LRP1B: variants seen among roughly 807,000 people sequenced by gnomAD.
LRP1B encodes low-density lipoprotein receptor-related protein 1B.
A neutral mutation model predicts 556.6 loss-of-function variants in LRP1B; 217 were observed. That is an observed-to-expected ratio of 0.39 (90% CI 0.35 to 0.44). The LOEUF is 0.44. LRP1B is among the 20% of genes least tolerant of loss of function. LRP1B has a pLI of 1.00. For missense variants in LRP1B, 5,053 were observed against 5,620.8 expected (o/e 0.90, Z 3.23); for synonymous variants, 2,047 against 1,865.8 (o/e 1.10, Z -2.50).
intron 6 of LRP1B, among the ~76,000 whole-genome samples, chr2:141,223,117 C>G (rs1018478615): frequency 6.6e-6 from 1 of 151,996 alleles, no homozygotes; most frequent in East Asian, 1.9e-4. Flanking sequence ...GCAGATGACA[C>G]GATCCTATAT....
At chr2:142,075,615 TGA>T (rs149592444) in intron 1 of LRP1B, among the ~76,000 whole-genome samples, 1,539 of 152,226 alleles carry the variant, frequency 0.01, 15 homozygotes, top group African/African-American at 0.029. Context: ...TCAGTTTAAA[TGA>T]GAGTCTCCTT....
chr2:141,237,616 C>T (rs901015261), intron 5 of LRP1B, among the ~76,000 whole-genome samples: 2 of 152,106 alleles, frequency 1.3e-5, no homozygotes, highest in Non-Finnish European at 2.9e-5. Flanking sequence ...GCTATTTAGA[C>T]TTTACTAGTG....
intron 41 of LRP1B, among the ~76,000 whole-genome samples, chr2:140,654,849 C>T (rs1684820135): frequency 6.6e-6 from 1 of 152,178 alleles, no homozygotes; most frequent in Non-Finnish European, 1.5e-5. Flanking sequence ...CCGTATTGTT[C>T]ACTCAACTCT....
intron 1 of LRP1B, among the ~76,000 whole-genome samples, chr2:141,878,446 T>G (rs879464281): frequency 6.7e-6 from 1 of 148,818 alleles, no homozygotes; most frequent in South Asian, 2.1e-4. Flanking sequence ...AAAAAAAAAG[T>G]GTATAGGACA....
At chr2:141,210,025 C>T (rs1682473250) in intron 6 of LRP1B, among the ~76,000 whole-genome samples, 1 of 151,738 alleles carries the variant, frequency 6.6e-6, no homozygotes, top group Non-Finnish European at 1.5e-5. Context: ...AAATACAAAG[C>T]CCAATGTTAA....
At chr2:140,922,703 A>G (rs985256409) in intron 21 of LRP1B, among the ~76,000 whole-genome samples, 2 of 151,970 alleles carry the variant, frequency 1.3e-5, no homozygotes, top group African/African-American at 2.4e-5. Context: ...ATTAAATCCT[A>G]AGTCTGACAT....
chr2:141,654,249 T>A (rs1689913135), intron 2 of LRP1B, among the ~76,000 whole-genome samples: 1 of 152,212 alleles, frequency 6.6e-6, no homozygotes. Context: ...ACTGATTATG[T>A]ATTTGTATTG....
chr2:140,902,131 A>C (rs1694122574), intron 23 of LRP1B, among the ~76,000 whole-genome samples: 1 of 152,212 alleles, frequency 6.6e-6, no homozygotes, highest in Non-Finnish European at 1.5e-5. Flanking sequence ...AGAAGTTAAA[A>C]TAATGCTATA....
intron 2 of LRP1B, among the ~76,000 whole-genome samples, chr2:141,559,289 G>C (rs1232943584): frequency 6.6e-6 from 1 of 151,536 alleles, no homozygotes; most frequent in Non-Finnish European, 1.5e-5. Context: ...TTCTATCAAA[G>C]GTCTATGATT....
At chr2:141,141,876 T>C (rs1701661738) in intron 7 of LRP1B, among the ~76,000 whole-genome samples, 1 of 152,168 alleles carries the variant, frequency 6.6e-6, no homozygotes, top group South Asian at 2.1e-4. Context: ...CACTTTATCT[T>C]TCAGTAATGC....
chr2:140,633,788 T>C (rs1367515671), intron 41 of LRP1B, among the ~76,000 whole-genome samples: 1 of 152,068 alleles, frequency 6.6e-6, no homozygotes, highest in Non-Finnish European at 1.5e-5. Flanking sequence ...GAATAACCTA[T>C]TAAAGAAATA....
At chr2:142,071,152 T>C (rs1326111979) in intron 1 of LRP1B, among the ~76,000 whole-genome samples, 1 of 151,926 alleles carries the variant, frequency 6.6e-6, no homozygotes, top group African/African-American at 2.4e-5. Context: ...AGTACCTGTA[T>C]TACTTTTATA....
At chr2:141,043,656 A>G (rs1698774623) in intron 11 of LRP1B, among the ~76,000 whole-genome samples, 1 of 152,026 alleles carries the variant, frequency 6.6e-6, no homozygotes, top group Non-Finnish European at 1.5e-5. Flanking sequence ...CATTTCTTCT[A>G]TTTAAATATC....
chr2:141,487,756 G>T (rs910720409), intron 2 of LRP1B, among the ~76,000 whole-genome samples: 2 of 151,972 alleles, frequency 1.3e-5, no homozygotes, highest in African/African-American at 4.8e-5. Flanking sequence ...ATCCTTCAAG[G>T]TTAGGCTCAA....
At chr2:142,041,975 A>AT (rs1249955539) in intron 1 of LRP1B, among the ~76,000 whole-genome samples, 1 of 151,484 alleles carries the variant, frequency 6.6e-6, no homozygotes, top group Non-Finnish European at 1.5e-5. Flanking sequence ...AAAGATGATT[A>AT]TTTTTTATTA....
intron 41 of LRP1B, among the ~76,000 whole-genome samples, chr2:140,647,253 A>T (rs544885931): frequency 6.6e-6 from 1 of 152,310 alleles, no homozygotes; most frequent in African/African-American, 2.4e-5. Context: ...ATTTTTAATT[A>T]AACACCCACA....
chr2:142,065,898 T>C (rs1331291783), intron 1 of LRP1B, among the ~76,000 whole-genome samples: 2 of 151,426 alleles, frequency 1.3e-5, no homozygotes, highest in South Asian at 2.1e-4. Flanking sequence ...TTAGTACAAG[T>C]GAGAGTCTCG....
intron 32 of LRP1B, among the ~76,000 whole-genome samples, chr2:140,777,847 A>C (rs1261246037): frequency 6.6e-6 from 1 of 152,114 alleles, no homozygotes; most frequent in Non-Finnish European, 1.5e-5. Flanking sequence ...TAGAATGATC[A>C]GAAAATATGG....
At chr2:140,256,158 T>A (rs946216097) in intron 86 of LRP1B, among the ~76,000 whole-genome samples, 3 of 152,102 alleles carry the variant, frequency 2.0e-5, no homozygotes, top group African/African-American at 7.2e-5. Flanking sequence ...TAAATTTAAG[T>A]GCTAGTATGG....
Sources: allele counts gnomAD v4.1 joint callset (sites outside exome capture counted in the v4.1 genomes callset), GRCh38; gene constraint gnomAD v4.1.1; transcripts MANE v1.5; gene names NCBI Gene and HGNC (gene_info 2026-07-23, HGNC 2026-07-21).